The following RBFOX1 variants were observed in gnomAD, a reference collection of about 807,000 sequenced individuals.
RBFOX1 encodes RNA binding protein fox-1 homolog 1.
A neutral mutation model predicts 57.7 loss-of-function variants in RBFOX1; 8 were observed. That is an observed-to-expected ratio of 0.14 (90% CI 0.08 to 0.25). RBFOX1 has a LOEUF of 0.25. Among genes scored for constraint, RBFOX1 ranks in the 10% least tolerant of loss-of-function variants. The pLI, the probability that RBFOX1 is intolerant of heterozygous loss-of-function variation, is 1.00. For synonymous variants in RBFOX1, 326 were observed against 222.4 expected (o/e 1.47, Z -4.15); for missense variants, 611 against 548.5 (o/e 1.11, Z -1.14).
intron 11 of RBFOX1, among the ~76,000 whole-genome samples, chr16:7,631,582 G>GCAGAATGAGT (rs1300618348): frequency 3.9e-5 from 6 of 152,114 alleles, no homozygotes; most frequent in Non-Finnish European, 8.8e-5. Flanking sequence ...TGCCGTAACT[G>GCAGAATGAGT]CAGAATGAGT....
At chr16:5,329,620 C>G (rs747612881) in intron 1 of RBFOX1, among the ~76,000 whole-genome samples, 3 of 152,204 alleles carry the variant, frequency 2.0e-5, no homozygotes, top group Non-Finnish European at 4.4e-5. Context: ...TCTGTTTGGA[C>G]TGTTATAACA....
intron 4 of RBFOX1, among the ~76,000 whole-genome samples, chr16:7,300,491 A>G (rs146307789): frequency 6.4e-4 from 97 of 152,332 alleles, no homozygotes; most frequent in African/African-American, 2.2e-3. Context: ...AAATATTTCT[A>G]AGTCACATCT....
At chr16:5,545,166 C>G (rs138279891) in intron 2 of RBFOX1, among the ~76,000 whole-genome samples, 28 of 151,948 alleles carry the variant, frequency 1.8e-4, no homozygotes, top group African/African-American at 6.8e-4. Context: ...TTAGTAGAGA[C>G]AGGGTTTCAC....
At chr16:5,821,375 T>G (rs2151804543) in intron 3 of RBFOX1, among the ~76,000 whole-genome samples, 1 of 148,524 alleles carries the variant, frequency 6.7e-6, no homozygotes, top group South Asian at 2.2e-4. Flanking sequence ...GGCTTACGGC[T>G]CACTGTAGCC....
chr16:7,305,510 C>T (rs914646718), intron 4 of RBFOX1, among the ~76,000 whole-genome samples: 1 of 152,160 alleles, frequency 6.6e-6, no homozygotes, highest in Non-Finnish European at 1.5e-5. Context: ...TGATTATACT[C>T]ATTTTATCTG....
chr16:5,518,430 A>G (rs2043876731), intron 2 of RBFOX1, among the ~76,000 whole-genome samples: 1 of 152,256 alleles, frequency 6.6e-6, no homozygotes, highest in Admixed American at 6.5e-5. Context: ...TCAGCTCAAG[A>G]CTATTCAGAT....
chr16:5,769,377 G>A (rs548255506), intron 3 of RBFOX1, among the ~76,000 whole-genome samples: 5 of 151,344 alleles, frequency 3.3e-5, no homozygotes, highest in East Asian at 2.0e-4. Context: ...GCAGTGGCTC[G>A]CACCTATAAT....
At chr16:6,063,464 G>GACACAC (rs772720519) in intron 1 of RBFOX1, among the ~76,000 whole-genome samples, 84 of 86,492 alleles carry the variant, frequency 9.7e-4, no homozygotes, top group African/African-American at 3.0e-3. Context: ...CTCTTTCTCC[G>GACACAC]ACACACACAC....
chr16:5,300,673 A>G (rs569653230), intron 1 of RBFOX1, among the ~76,000 whole-genome samples: 21 of 152,276 alleles, frequency 1.4e-4, no homozygotes, highest in Non-Finnish European at 2.5e-4. Context: ...TATGAATTCA[A>G]TTCATATGAT....
At chr16:6,587,009 A>G (rs1394609367) in intron 2 of RBFOX1, among the ~76,000 whole-genome samples, 1 of 150,486 alleles carries the variant, frequency 6.6e-6, no homozygotes, top group African/African-American at 2.5e-5. Flanking sequence ...TCCCCTGTTT[A>G]TTGTGTGTGT....
intron 1 of RBFOX1, among the ~76,000 whole-genome samples, chr16:5,312,309 T>C (rs1171624807): frequency 6.6e-6 from 1 of 152,122 alleles, no homozygotes; most frequent in South Asian, 2.1e-4. Flanking sequence ...TGGGAAGACA[T>C]GTCTTTTTCC....
At chr16:5,965,784 G>A (rs971795686) in intron 4 of RBFOX1, among the ~76,000 whole-genome samples, 1 of 152,128 alleles carries the variant, frequency 6.6e-6, no homozygotes, top group African/African-American at 2.4e-5. Flanking sequence ...TGAGTGTGGT[G>A]GGTGTGGGGA....
intron 5 of RBFOX1, among the ~76,000 whole-genome samples, chr16:7,565,954 G>A (rs1443517498): frequency 6.6e-6 from 1 of 152,112 alleles, no homozygotes; most frequent in East Asian, 1.9e-4. Flanking sequence ...GGATGAAGCA[G>A]CAGCTGGGCC....
At chr16:5,934,609 C>A (rs909491045) in intron 4 of RBFOX1, among the ~76,000 whole-genome samples, 1 of 152,062 alleles carries the variant, frequency 6.6e-6, no homozygotes, top group Non-Finnish European at 1.5e-5. Context: ...TTGAATGTTC[C>A]CAACACAAAG....
chr16:6,287,430 C>T (rs529901556), intron 1 of RBFOX1, among the ~76,000 whole-genome samples: 39 of 152,110 alleles, frequency 2.6e-4, no homozygotes, highest in African/African-American at 8.0e-4. Flanking sequence ...ATTAAATTAG[C>T]CAATGGATGT....
At chr16:6,521,974 C>A (rs959513731) in intron 2 of RBFOX1, among the ~76,000 whole-genome samples, 7 of 152,148 alleles carry the variant, frequency 4.6e-5, no homozygotes, top group African/African-American at 1.7e-4. Context: ...TCAGCTCTCA[C>A]TTTTCTCACC....
chr16:6,821,537 T>G (rs935548671), intron 3 of RBFOX1, among the ~76,000 whole-genome samples: 3 of 152,176 alleles, frequency 2.0e-5, no homozygotes, highest in African/African-American at 7.2e-5. Flanking sequence ...TGCCTATTAA[T>G]CAGATGCTTT....
At chr16:6,778,219 G>A (rs8060290) in intron 3 of RBFOX1, among the ~76,000 whole-genome samples, 87,969 of 151,926 alleles carry the variant, frequency 0.58, 26,156 homozygotes, top group East Asian at 0.68. Flanking sequence ...ATTTTTGTCA[G>A]TAAATTAAAA....
At chr16:7,046,075 C>T (rs776565068) in intron 3 of RBFOX1, among the ~76,000 whole-genome samples, 1 of 151,896 alleles carries the variant, frequency 6.6e-6, no homozygotes, top group African/African-American at 2.4e-5. Flanking sequence ...TTATAAATGC[C>T]CTGTATGTCA....
Sources: gnomAD v4.1 joint callset for allele counts (sites outside exome capture counted in the v4.1 genomes callset) on GRCh38, gnomAD v4.1.1 for gene constraint, MANE v1.5 for transcripts, NCBI Gene and HGNC (gene_info 2026-07-23, HGNC 2026-07-21) for gene names.